RBFOX3: variants seen among roughly 807,000 people sequenced by gnomAD.
RBFOX3 encodes the protein RNA binding protein fox-1 homolog 3.
In RBFOX3, 17 loss-of-function variants were observed where a neutral mutation model predicts 48.7. The ratio of observed to expected loss-of-function variants is 0.35; its 90% confidence interval spans 0.24 to 0.52. The LOEUF (loss-of-function observed/expected upper bound fraction) is 0.52, where lower values mean the gene tolerates loss of function less well. Ranked by LOEUF, RBFOX3 falls within the 20% of genes least tolerant of loss-of-function variation. The pLI, the probability that RBFOX3 is intolerant of heterozygous loss-of-function variation, is 0.94. For synonymous variants in RBFOX3, 212 were observed against 209.5 expected (o/e 1.01, Z -0.10); for missense variants, 382 against 497.5 (o/e 0.77, Z 2.21).
intron 2 of RBFOX3, among the ~76,000 whole-genome samples, chr17:79,323,887 TAG>T (rs2078927633): frequency 6.6e-6 from 1 of 152,234 alleles, no homozygotes; most frequent in Admixed American, 6.5e-5. Flanking sequence ...ACTGTCTAGC[TAG>T]AGAGGCATGA....
chr17:79,292,767 A>G (rs1450860830), intron 3 of RBFOX3, among the ~76,000 whole-genome samples: 2 of 152,230 alleles, frequency 1.3e-5, no homozygotes, highest in East Asian at 1.9e-4. Flanking sequence ...TTCTGCCGCT[A>G]GAGACCCTAC....
intron 1 of RBFOX3, among the ~76,000 whole-genome samples, chr17:79,569,413 A>T (rs2092585056): frequency 6.6e-6 from 1 of 152,162 alleles, no homozygotes; most frequent in Non-Finnish European, 1.5e-5. Flanking sequence ...TCAGAGCTTC[A>T]TTCCCTTCTA....
chr17:79,154,132 C>T, intron 4 of RBFOX3, among the ~76,000 whole-genome samples: 1 of 147,540 alleles, frequency 6.8e-6, no homozygotes, highest in East Asian at 2.1e-4. Context: ...CCTCCCTGTC[C>T]AGTCCCGCCC....
chr17:79,190,963 C>T (rs2703519), intron 4 of RBFOX3, among the ~76,000 whole-genome samples: 64,134 of 152,056 alleles, frequency 0.42, 14,679 homozygotes, highest in Middle Eastern at 0.56. Flanking sequence ...CCCATTGCTA[C>T]GGCCGGCATG....
chr17:79,236,318 A>G (rs986446584), intron 3 of RBFOX3, among the ~76,000 whole-genome samples: 3 of 151,706 alleles, frequency 2.0e-5, no homozygotes, highest in African/African-American at 7.3e-5. Flanking sequence ...GTTTTTGGAG[A>G]TGGAGTCTCG....
In RBFOX3 at chr17:79,096,670, A is replaced by G; in HGVS notation, c.919T>C (p.Tyr307His). 6.4e-7 allele frequency: 1 copy of G among 1,551,100 alleles called. No individual in the cohort carries two copies. The highest frequency in any genetic ancestry group is 8.7e-7 in the Non-Finnish European group (1 of 1,146,700). ...ASRVVYQDGFYGAEIYGGYAA... is the reference protein window; with the variant it reads ...ASRVVYQDGFHGAEIYGGYAA... ...ACACTTACATAAATCTCAGCACCAT[A>G]AAATCCATCCTGATACACGACCCTG... Residue 307 changes from tyrosine to histidine, a missense_variant, in exon 12 of 15, where the codon TAT becomes CAT. Coordinates refer to ENST00000693108, the MANE Select transcript of RBFOX3 (RefSeq NM_001350451.2).
At chr17:79,419,936 G>C (rs2065968444) in intron 2 of RBFOX3, among the ~76,000 whole-genome samples, 1 of 152,142 alleles carries the variant, frequency 6.6e-6, no homozygotes, top group Admixed American at 6.5e-5. Context: ...AGACCAGCTT[G>C]GGCAACACGG....
chr17:79,154,233 C>T (rs898239782), intron 4 of RBFOX3, among the ~76,000 whole-genome samples: 1 of 152,176 alleles, frequency 6.6e-6, no homozygotes, highest in Non-Finnish European at 1.5e-5. Flanking sequence ...ATGCCCTTCC[C>T]TGTACCCACA....
chr17:79,182,246 C>A (rs907154145), intron 4 of RBFOX3, among the ~76,000 whole-genome samples: 2 of 152,182 alleles, frequency 1.3e-5, no homozygotes, highest in African/African-American at 4.8e-5. Flanking sequence ...CCACCAGGCT[C>A]CTCCAGCAGC....
chr17:79,511,303 G>A (rs1467628053), intron 1 of RBFOX3, among the ~76,000 whole-genome samples: 3 of 152,184 alleles, frequency 2.0e-5, no homozygotes, highest in African/African-American at 7.2e-5. Context: ...GTGTCATGCA[G>A]TATGACATGT....
intron 4 of RBFOX3, among the ~76,000 whole-genome samples, chr17:79,119,204 G>C (rs2035030625): frequency 6.6e-6 from 1 of 152,150 alleles, no homozygotes; most frequent in Admixed American, 6.5e-5. Context: ...ATAAAGGGGG[G>C]AGCTCCGGCA....
intron 4 of RBFOX3, among the ~76,000 whole-genome samples, chr17:79,210,288 G>A (rs1272794793): frequency 1.3e-5 from 2 of 152,210 alleles, no homozygotes; most frequent in Admixed American, 6.5e-5. Flanking sequence ...GACCCCCGGC[G>A]TCTTCACGCT....
At chr17:79,563,143 C>T (rs2092315585) in intron 1 of RBFOX3, among the ~76,000 whole-genome samples, 2 of 151,998 alleles carry the variant, frequency 1.3e-5, no homozygotes, top group Admixed American at 6.5e-5. Context: ...AGAAAACAAG[C>T]CAACAGGATC....
At chr17:79,569,726 A>G (rs2092596000) in intron 1 of RBFOX3, among the ~76,000 whole-genome samples, 2 of 152,248 alleles carry the variant, frequency 1.3e-5, no homozygotes, top group Non-Finnish European at 2.9e-5. Flanking sequence ...CTGGTGGCCA[A>G]GGTCAACATC....
intron 2 of RBFOX3, among the ~76,000 whole-genome samples, chr17:79,458,590 T>A: frequency 9.1e-6 from 1 of 110,346 alleles, no homozygotes; most frequent in Non-Finnish European, 2.1e-5. Flanking sequence ...TTGGGGTTTA[T>A]TTAATTAAAA....
chr17:79,500,102 G>A (rs986802198), intron 1 of RBFOX3, among the ~76,000 whole-genome samples: 15 of 152,268 alleles, frequency 9.9e-5, no homozygotes, highest in Middle Eastern at 3.4e-3. Context: ...GTCCCAGGAC[G>A]GGGATGAAAG....
intron 1 of RBFOX3, among the ~76,000 whole-genome samples, chr17:79,541,357 A>G (rs1403594556): frequency 6.6e-6 from 1 of 152,248 alleles, no homozygotes; most frequent in African/African-American, 2.4e-5. Flanking sequence ...ATGGAGTGAT[A>G]TAACAGCTTA....
the RBFOX3 span, among the ~76,000 whole-genome samples, chr17:79,625,727 A>G: frequency 1.3e-5 from 2 of 152,298 alleles, no homozygotes; most frequent in South Asian, 4.1e-4. Flanking sequence ...GGGAGGTGGA[A>G]GTTGCAGTGA....
At chr17:79,615,063 GAA>G (rs1207749475), upstream of RBFOX3, among the ~76,000 whole-genome samples, 5 of 143,348 alleles carry the variant, frequency 3.5e-5, no homozygotes, top group East Asian at 2.0e-4. Flanking sequence ...AATCACTGAA[GAA>G]AAAAAAAAAA....
Sources: allele counts gnomAD v4.1 joint callset (sites outside exome capture counted in the v4.1 genomes callset), GRCh38; gene constraint gnomAD v4.1.1; transcripts MANE v1.5; gene names NCBI Gene and HGNC (gene_info 2026-07-23, HGNC 2026-07-21).